Variants in LINGO2 observed in about 807,000 individuals in gnomAD.
LINGO2 encodes the protein leucine-rich repeat and immunoglobulin-like domain-containing nogo receptor-interacting protein 2.
A neutral mutation model predicts 30.6 loss-of-function variants in LINGO2; 14 were observed. The ratio of observed to expected loss-of-function variants is 0.46; its 90% confidence interval spans 0.30 to 0.72. The LOEUF (loss-of-function observed/expected upper bound fraction) is 0.72. Among genes scored for constraint, LINGO2 ranks in the 30% least tolerant of loss-of-function variants. The probability of loss-of-function intolerance (pLI) is 0.07; values close to 1 mark genes in which losing one functional copy is unlikely to be tolerated. For synonymous variants in LINGO2, 317 were observed against 288.5 expected, an observed-to-expected ratio of 1.10 and a Z score of -1.00; for missense variants, 729 against 751.7, an observed-to-expected ratio of 0.97 and a Z score of 0.35.
chr9:28,843,235 G>T, the LINGO2 span, among the ~76,000 whole-genome samples: 3 of 151,776 alleles, frequency 2.0e-5, no homozygotes, highest in Admixed American at 6.6e-5. Context: ...ATAAGAAATA[G>T]TCCTTATTTG....
the LINGO2 span, among the ~76,000 whole-genome samples, chr9:28,710,634 A>G: frequency 1.1e-4 from 17 of 152,176 alleles, no homozygotes; most frequent in Non-Finnish European, 2.9e-5. Flanking sequence ...GTCTCTTTCT[A>G]AATTTCACTG....
chr9:27,970,915 A>C (rs1466460697), intron 5 of LINGO2, among the ~76,000 whole-genome samples: 1 of 151,082 alleles, frequency 6.6e-6, no homozygotes, highest in African/African-American at 2.4e-5. Flanking sequence ...TGATTTTGTA[A>C]ATGGTGATAA....
At chr9:29,154,691 T>C in the LINGO2 span, among the ~76,000 whole-genome samples, 2 of 152,198 alleles carry the variant, frequency 1.3e-5, no homozygotes, top group Non-Finnish European at 2.9e-5. Flanking sequence ...CAAATATACA[T>C]GCATTTTGTG....
At chr9:28,127,475 A>G (rs1827269022) in intron 4 of LINGO2, among the ~76,000 whole-genome samples, 1 of 152,348 alleles carries the variant, frequency 6.6e-6, no homozygotes, top group Non-Finnish European at 1.5e-5. Flanking sequence ...TGTACTACAT[A>G]CTACCCTAAA....
At chr9:28,748,213 G>A in the LINGO2 span, among the ~76,000 whole-genome samples, 1 of 151,870 alleles carries the variant, frequency 6.6e-6, no homozygotes, top group African/African-American at 2.4e-5. Context: ...GTAGACGTTT[G>A]GGAACACTAA....
At chr9:28,046,387 C>T (rs527404302) in intron 4 of LINGO2, among the ~76,000 whole-genome samples, 10 of 152,240 alleles carry the variant, frequency 6.6e-5, no homozygotes, top group Non-Finnish European at 8.8e-5. Flanking sequence ...CCTCACTTTC[C>T]GATTCAGTAG....
the LINGO2 span, among the ~76,000 whole-genome samples, chr9:29,205,248 C>T: frequency 1.3e-5 from 2 of 152,142 alleles, no homozygotes; most frequent in African/African-American, 2.4e-5. Context: ...CACCATGTTG[C>T]CAGGATGGTC....
intron 4 of LINGO2, among the ~76,000 whole-genome samples, chr9:28,145,007 A>G (rs978393535): frequency 2.0e-5 from 3 of 152,192 alleles, no homozygotes; most frequent in African/African-American, 4.8e-5. Flanking sequence ...AATGAATGCA[A>G]TAGAGGCAGG....
At chr9:29,191,731 C>T in the LINGO2 span, among the ~76,000 whole-genome samples, 3 of 152,090 alleles carry the variant, frequency 2.0e-5, no homozygotes, top group Non-Finnish European at 4.4e-5. Flanking sequence ...ATGCATGTTT[C>T]GCTATTCACT....
chr9:27,956,261 T>C (rs984505439), intron 5 of LINGO2, among the ~76,000 whole-genome samples: 5 of 152,140 alleles, frequency 3.3e-5, no homozygotes, highest in South Asian at 2.1e-4. Context: ...TTATATGTTA[T>C]CCATTCTTGT....
At chr9:27,954,180 T>C (rs963750466) in intron 5 of LINGO2, among the ~76,000 whole-genome samples, 14 of 152,180 alleles carry the variant, frequency 9.2e-5, no homozygotes, top group Non-Finnish European at 1.8e-4. Context: ...TCACCTTGAG[T>C]ATATATCACT....
chr9:29,166,519 T>C, the LINGO2 span, among the ~76,000 whole-genome samples: 3 of 152,112 alleles, frequency 2.0e-5, no homozygotes, highest in African/African-American at 7.2e-5. Context: ...GCTCATCATC[T>C]TACAGATGAA....
chr9:29,099,763 A>G, the LINGO2 span, among the ~76,000 whole-genome samples: 31 of 152,368 alleles, frequency 2.0e-4, no homozygotes, highest in African/African-American at 7.2e-4. Flanking sequence ...AGAAAAGGCA[A>G]CATCATAAAT....
chr9:28,932,459 C>G, the LINGO2 span, among the ~76,000 whole-genome samples: 1 of 152,164 alleles, frequency 6.6e-6, no homozygotes, highest in South Asian at 2.1e-4. Flanking sequence ...GGAACCATAG[C>G]TACTATTTAT....
chr9:29,023,896 T>C, the LINGO2 span, among the ~76,000 whole-genome samples: 1 of 152,108 alleles, frequency 6.6e-6, no homozygotes, highest in African/African-American at 2.4e-5. Context: ...TAAAATATAA[T>C]ATGTATAATA....
chr9:28,304,758 A>G (rs1464452988), intron 3 of LINGO2, among the ~76,000 whole-genome samples: 3 of 152,092 alleles, frequency 2.0e-5, no homozygotes, highest in Non-Finnish European at 2.9e-5. Flanking sequence ...CAAACAATTC[A>G]AATTAATAGA....
At chr9:28,085,470 G>A (rs970225756) in intron 4 of LINGO2, among the ~76,000 whole-genome samples, 11 of 152,056 alleles carry the variant, frequency 7.2e-5, no homozygotes, top group African/African-American at 1.7e-4. Context: ...TGGCTTTAAC[G>A]TGAGAAAGCA....
At chr9:28,294,030 T>C (rs1407943423) in intron 4 of LINGO2, among the ~76,000 whole-genome samples, 1 of 152,140 alleles carries the variant, frequency 6.6e-6, no homozygotes, top group African/African-American at 2.4e-5. Flanking sequence ...AATAAACATT[T>C]CTGCCATGAG....
At chr9:28,899,272 C>G in the LINGO2 span, among the ~76,000 whole-genome samples, 3 of 152,218 alleles carry the variant, frequency 2.0e-5, no homozygotes, top group Admixed American at 2.0e-4. Context: ...AGTTTCCAGA[C>G]TGAGCCTTGA....
Sources: gnomAD v4.1 joint callset for allele counts (sites outside exome capture counted in the v4.1 genomes callset) on GRCh38, gnomAD v4.1.1 for gene constraint, MANE v1.5 for transcripts, NCBI Gene and HGNC (gene_info 2026-07-23, HGNC 2026-07-21) for gene names.